The following CACTIN variants were observed in gnomAD, a reference collection of about 807,000 sequenced individuals.
CACTIN encodes the protein splicing factor Cactin.
In CACTIN, 20 loss-of-function variants were observed where a neutral mutation model predicts 84.9. The ratio of observed to expected loss-of-function variants is 0.24; its 90% confidence interval spans 0.17 to 0.34. The LOEUF (loss-of-function observed/expected upper bound fraction) is 0.34. Among genes scored for constraint, CACTIN ranks in the 10% least tolerant of loss-of-function variants. CACTIN has a pLI of 1.00. For synonymous variants in CACTIN, 549 were observed against 467.9 expected, an observed-to-expected ratio of 1.17 and a Z score of -2.24; for missense variants, 897 against 1,117.2, an observed-to-expected ratio of 0.80 and a Z score of 2.81.
chr19:3,612,645 A>C (rs1447007291), intron 9 of CACTIN: 3 of 721,996 alleles, frequency 4.2e-6, no homozygotes, highest in African/African-American at 1.7e-5. Context: ...GGTGGGGACC[A>C]AGCGCAGCGC....
At chr19:3,613,663 C>T in intron 7 of CACTIN, 77 bp from the exon 8 acceptor site, 2 of 1,523,684 alleles carry the variant, frequency 1.3e-6, no homozygotes, top group Non-Finnish European at 1.8e-6. Flanking sequence ...TTCTCACGCC[C>T]CTTATTGCTG....
intron 9 of CACTIN, among the ~76,000 whole-genome samples, chr19:3,612,631 C>G (rs1360117567): frequency 6.6e-6 from 1 of 152,232 alleles, no homozygotes; most frequent in African/African-American, 2.4e-5. Context: ...CTATCGTCCT[C>G]CTGGGTGGGG....
Position 3,620,307 on chromosome 19 carries a change from G to A in CACTIN, c.739-35C>T, listed in dbSNP as rs775906366. The A allele has an allele frequency of 1.5e-5, 23 of 1,541,542 alleles. 1 individual carries two copies. The highest frequency in any genetic ancestry group is 1.7e-5 in the Non-Finnish European group (20 of 1,149,218). On this transcript the variant is annotated intron_variant, in intron 3 of 9. Coordinates refer to ENST00000429344, the MANE Select transcript of CACTIN (RefSeq NM_001080543.2). Reference sequence around the variant, plus strand: ...CAGGAGGCTGAGGGCAGCGGGGACCGTGCGGTCTGCAGGGCTGCGGGGGGA... The same window carrying A: ...CAGGAGGCTGAGGGCAGCGGGGACCATGCGGTCTGCAGGGCTGCGGGGGGA...
Position 3,620,795 on chromosome 19 carries a change from T to A in CACTIN, c.650A>T (p.Glu217Val), listed in dbSNP as rs2033207573. ...CTCCAGGTGGCTGATCCCCTTCTTC[T>A]CCAGGGCCTGGAAGCACCAGGCACA... ...LGTFIWNKALEKKGISHLEEK... is the reference protein window; with the variant it reads ...LGTFIWNKALVKKGISHLEEK... Residue 217 changes from glutamate (E) to valine (V), a missense_variant, in exon 3 of 10, where the codon GAG (glutamate) becomes GTG (valine). This residue lies in a region of CACTIN where 304 missense variants were observed against 444.3 expected (regional missense o/e 0.68). Transcript: ENST00000429344. 6.2e-7 allele frequency: 1 copy of A among 1,612,800 alleles called. No individual in the cohort carries two copies.
Position 3,614,606 on chromosome 19 carries a change from G to C in CACTIN, c.1163-17C>G. 6.3e-7 allele frequency: 1 copy of C among 1,579,558 alleles called. No individual in the cohort carries two copies. The highest frequency in any genetic ancestry group is 1.2e-5 in the South Asian group (1 of 86,750). On this transcript the variant is annotated splice_polypyrimidine_tract_variant and intron_variant, in intron 6 of 9. Transcript: ENST00000429344. ...GGCGCTCACCTGCAGCGGGGTGGGG[G>C]CATGGGGGGGCGGTTCCACATTTCC...
At position 3,611,713 on chromosome 19, in the gene CACTIN, G is replaced by A. The variant is rs1231730879; in HGVS notation, c.*210C>T. The A allele has an allele frequency of 5.9e-6, 4 of 674,114 alleles. No homozygotes were observed. Among genetic ancestry groups the A allele is most frequent in the Admixed American group, 4.8e-5 (2 of 41,838 alleles). The allele number at this position is 674,114 out of a possible 1,614,324, so 41.8% of individuals were successfully genotyped here. A position where few individuals can be genotyped will look rare whatever the true frequency, so the allele number is the denominator to read the frequency against. ...CAGGACCCTAGGCCAGCCTGTCCCA[G>A]TGTCTCCTCAGCTCACCATGGCAGG... On this transcript the variant is annotated 3_prime_UTR_variant, in exon 10 of 10. Coordinates refer to ENST00000429344, the MANE Select transcript of CACTIN (RefSeq NM_001080543.2).
At position 3,613,145 on chromosome 19, in the gene CACTIN, G is replaced by T; in HGVS notation, c.1699C>A (p.His567Asn). The change falls in exon 9 of 10, where the codon CAC becomes AAC. Residue 567 changes from histidine to asparagine, a missense_variant. By Grantham distance (68) the His-to-Asn change is moderately conservative. This residue lies in a region of CACTIN where 243 missense variants were observed against 239.9 expected (regional missense o/e 1.01). Coordinates refer to ENST00000429344, the MANE Select transcript of CACTIN (RefSeq NM_001080543.2). ...ACGTGCGCGTCCAGTGGCAGCTCGT[G>T]CGCCGTGAGCAGCCGCGGGCTGTAC... ...GRYSPRLLTA[H>N]ELPLDAHVLE... 1 of 1,608,560 alleles carries T rather than the reference G, an allele frequency of 6.2e-7. No homozygotes were observed.
At chr19:3,620,525 G>T in intron 3 of CACTIN, 182 bp downstream of exon 3, 1 of 661,268 alleles carries the variant, frequency 1.5e-6, no homozygotes, top group Non-Finnish European at 2.6e-6. Context: ...CCCGAGGCCA[G>T]CAGAGCCGAG....
In CACTIN at chr19:3,612,115, G is replaced by A; in HGVS notation, c.2085C>T (p.Phe695=). Residue 695 remains phenylalanine, a synonymous_variant, in exon 10 of 10, where the codon TTC becomes TTT. Coordinates refer to ENST00000429344, the MANE Select transcript of CACTIN (RefSeq NM_001080543.2). The part of the protein sequence containing the change: ...LIDKRSTPEY[F]LEACADNKDF... Reference sequence around the variant, plus strand: ...CCTTGTTGTCGGCGCAGGCCTCCAGGAAGTACTCGGGCGTGGAGCGCTTGT... The same window carrying A: ...CCTTGTTGTCGGCGCAGGCCTCCAGAAAGTACTCGGGCGTGGAGCGCTTGT... 1.9e-6 allele frequency: 3 copies of A among 1,613,818 alleles called. No individual in the cohort carries two copies. Among genetic ancestry groups the A allele is most frequent in the South Asian group, 2.2e-5 (2 of 91,088 alleles).
chr19:3,617,787 G>A (rs1312124111), intron 6 of CACTIN, among the ~76,000 whole-genome samples: 1 of 152,168 alleles, frequency 6.6e-6, no homozygotes, highest in Non-Finnish European at 1.5e-5. Context: ...GACCCTTAAC[G>A]GACACACCTC....
At chr19:3,624,550 G>T (rs1279532115) in intron 1 of CACTIN, among the ~76,000 whole-genome samples, 3 of 152,074 alleles carry the variant, frequency 2.0e-5, no homozygotes, top group Non-Finnish European at 4.4e-5. Context: ...CAAGAGCGAG[G>T]GCCTAGAGGC....
rs1241725723 is a variant in CACTIN, at chr19:3,618,927, G to A, written c.1110C>T (p.Thr370=). Residue 370 remains threonine (T), a synonymous_variant, in exon 6 of 10, where the codon ACC becomes ACT. Coordinates refer to ENST00000429344, the MANE Select transcript of CACTIN (RefSeq NM_001080543.2). ...ADFWRDMTTI[T]EDEISKLRKL... is the part of the protein sequence containing the mutation. Reference sequence around the variant, plus strand: ...TGCGGAGCTTGGAGATCTCGTCCTCGGTGATGGTGGTCATGTCCCGCCAGA... The same window carrying A: ...TGCGGAGCTTGGAGATCTCGTCCTCAGTGATGGTGGTCATGTCCCGCCAGA... 20 of 1,560,104 alleles carry A rather than the reference G, an allele frequency of 1.3e-5. No individual in the cohort carries two copies. The highest frequency in any genetic ancestry group is 7.6e-5 in the Admixed American group (4 of 52,324).
intron 3 of CACTIN, 101 bp from the exon 4 acceptor site, chr19:3,620,373 C>A: frequency 7.5e-7 from 1 of 1,331,822 alleles, no homozygotes. Flanking sequence ...CCCAGCTGCC[C>A]TGGGCACAGG....
chr19:3,620,666 GAA>G, intron 3 of CACTIN, 39 bp downstream of exon 3: 1 of 1,527,444 alleles, frequency 6.5e-7, no homozygotes, highest in Non-Finnish European at 8.9e-7. Context: ...CCAGGCCCTG[GAA>G]AGGGAGGGCC....
At chr19:3,618,426 G>T (rs190948344) in intron 6 of CACTIN, among the ~76,000 whole-genome samples, 23 of 146,440 alleles carry the variant, frequency 1.6e-4, no homozygotes, top group East Asian at 4.0e-4. Flanking sequence ...CCACACGGAG[G>T]GGGGGGAAAC....
Position 3,613,348 on chromosome 19 carries a change from G to A in CACTIN, c.1496C>T (p.Ala499Val), listed in dbSNP as rs2074789. Residue 499 changes from alanine to valine, a missense_variant, in exon 9 of 10, where the codon GCG (alanine) becomes GTG (valine). Around this residue, in one of 8 missense-constraint regions of CACTIN, gnomAD observed 243 missense variants for 239.9 expected, o/e 1.01. Coordinates refer to ENST00000429344, the MANE Select transcript of CACTIN (RefSeq NM_001080543.2). ...GGAGGGCCCGGGCGGGGTGGGCGCC[G>A]CGTCCTCAGGCTCCAGGCTGGGAGG... Reference protein sequence around the residue: ...SPSRSLEPEDAAPTPPGPSSE... With the variant: ...SPSRSLEPEDVAPTPPGPSSE... 829,864 of 1,509,614 alleles carry A rather than the reference G, an allele frequency of 0.55. 231,830 individuals are homozygous for A. Among genetic ancestry groups the A allele is most frequent in the Admixed American group, 0.63 (29,478 of 46,426 alleles). 93.5% of individuals were successfully genotyped at this position (1,509,614 alleles called of 1,614,324 possible).
intron 4 of CACTIN, 121 bp downstream of exon 4, chr19:3,620,006 G>A (rs2033189387): frequency 8.4e-7 from 1 of 1,190,782 alleles, no homozygotes; most frequent in South Asian, 1.4e-5. Flanking sequence ...AGGAAGGGAA[G>A]GTCCCAGGAA....
Position 3,613,291 on chromosome 19 carries a change from T to C in CACTIN, c.1553A>G (p.Asp518Gly). 6.2e-7 allele frequency: 1 copy of C among 1,601,414 alleles called. No homozygotes were observed. The highest frequency in any genetic ancestry group is 2.2e-5 in the East Asian group (1 of 44,466). Residue 518 changes from aspartate (D) to glycine (G), a missense_variant, in exon 9 of 10, where the codon GAC becomes GGC. Physicochemically the swap from Asp to Gly is moderately conservative, Grantham distance 94 (BLOSUM62 -1). Around this residue, in one of 8 missense-constraint regions of CACTIN, gnomAD observed 243 missense variants for 239.9 expected, o/e 1.01. Coordinates refer to ENST00000429344, the MANE Select transcript of CACTIN (RefSeq NM_001080543.2). ...SEGGPAEAEVDGATPTEGDGD... is the reference protein window; with the variant it reads ...SEGGPAEAEVGGATPTEGDGD... ...GTCGCCCTCTGTCGGGGTCGCGCCG[T>C]CCACCTCGGCCTCCGCGGGGCCGCC... is the stretch of plus-strand genomic sequence containing the variant.
chr19:3,620,053 G>T (rs1599891242), intron 4 of CACTIN, 74 bp downstream of exon 4: 1 of 1,551,876 alleles, frequency 6.4e-7, no homozygotes, highest in Admixed American at 1.7e-5. Context: ...GAGAGCAGTG[G>T]CTTCCAGAGT....
Sources: allele counts gnomAD v4.1 joint callset (sites outside exome capture counted in the v4.1 genomes callset), GRCh38; gene constraint gnomAD v4.1.1; regional missense constraint gnomAD v4.1.1; transcripts MANE v1.5; gene names NCBI Gene and HGNC (gene_info 2026-07-23, HGNC 2026-07-21).